The following CFAP74 variants were observed in gnomAD, a reference collection of about 807,000 sequenced individuals.
CFAP74 encodes cilia- and flagella-associated protein 74.
Under a neutral mutation model 188.9 loss-of-function variants are expected in CFAP74, and 124 were observed. The ratio of observed to expected loss-of-function variants is 0.66; its 90% CI spans 0.57 to 0.76. CFAP74 has a LOEUF of 0.76. CFAP74 is among the 30% of genes least tolerant of loss of function. The pLI, the probability that CFAP74 is intolerant of heterozygous loss-of-function variation, is 0.00. For missense variants in CFAP74, 2,198 were observed against 2,165.2 expected, an observed-to-expected ratio of 1.02 and a Z score of -0.30; for synonymous variants, 956 against 916.7, an observed-to-expected ratio of 1.04 and a Z score of -0.77.
chr1:2,000,090 T>G (rs6679335), intron 1 of CFAP74, among the ~76,000 whole-genome samples: 71,653 of 150,072 alleles, frequency 0.48, 17,253 homozygotes, highest in South Asian at 0.64. Context: ...CTTGAACTGG[T>G]GAGGTGGAGG....
Position 1,968,733 on chromosome 1 carries a change from T to TG in CFAP74, c.1146dup (p.Thr383HisfsTer19), listed in dbSNP as rs771497538. On this transcript the variant is annotated frameshift_variant, in exon 11 of 39. Transcript: ENST00000682832. LOFTEE classifies it high-confidence loss of function. The surrounding 1 kb of genome is among the most constrained non-coding windows in gnomAD (Gnocchi z 4.3). Reference sequence around the variant, plus strand: ...AGGGTCAGCCGGTGCCTGGCACTGGTGGGGGGATGCTGTTTCTTCCTCTTT... The same window carrying TG: ...AGGGTCAGCCGGTGCCTGGCACTGGTGGGGGGGATGCTGTTTCTTCCTCTTT... 1 of 1,613,868 alleles carries TG rather than the reference T, an allele frequency of 6.2e-7. No homozygotes were observed. The highest frequency in any genetic ancestry group is 1.3e-5 in the African/African-American group (1 of 74,878).
intron 1 of CFAP74, among the ~76,000 whole-genome samples, chr1:1,999,674 A>G (rs946252019): frequency 1.3e-4 from 20 of 151,556 alleles, no homozygotes; most frequent in Non-Finnish European, 2.8e-4. Context: ...AAAATTAGCC[A>G]GGCGCGGTGG....
chr1:1,927,126 A>T, intron 28 of CFAP74, 98 bp from the exon 29 acceptor site: 1 of 1,420,300 alleles, frequency 7.0e-7, no homozygotes, highest in Non-Finnish European at 9.5e-7. Context: ...CCAGGGTCCC[A>T]GGGTCCCAAG....
intron 14 of CFAP74, among the ~76,000 whole-genome samples, chr1:1,963,483 A>AAAG (rs1655240376): frequency 7.0e-6 from 1 of 143,776 alleles, no homozygotes; most frequent in African/African-American, 2.5e-5. Flanking sequence ...AAAAAAAAAA[A>AAAG]GGCAGCAAAA....
At chr1:1,946,096 C>T (rs565003295) in intron 20 of CFAP74, among the ~76,000 whole-genome samples, 18 of 152,208 alleles carry the variant, frequency 1.2e-4, no homozygotes, top group South Asian at 1.0e-3. Context: ...CATGGGCATG[C>T]GTGTATGTGC....
chr1:1,971,759 G>C (rs1656092161), intron 9 of CFAP74, among the ~76,000 whole-genome samples: 1 of 152,254 alleles, frequency 6.6e-6, no homozygotes, highest in African/African-American at 2.4e-5. Flanking sequence ...GAGCAGGGCT[G>C]GGGTGCCTGC....
chr1:1,960,303 A>G (rs1385385680), intron 14 of CFAP74, among the ~76,000 whole-genome samples: 2 of 152,282 alleles, frequency 1.3e-5, no homozygotes, highest in Non-Finnish European at 2.9e-5. Flanking sequence ...CCCCAGGCCA[A>G]CTGCCAGGAA....
rs555732030 is a variant in CFAP74 at position 1,999,894 on chromosome 1, G to A, written c.-20+3807C>T. Among the ~76,000 whole-genome samples, 195 of 150,982 alleles carry A rather than the reference G, an allele frequency of 1.3e-3. 1 individual carries two copies. Among genetic ancestry groups the A allele is most frequent in the Non-Finnish European group, 2.3e-3 (156 of 67,692 alleles). The stretch of plus-strand genomic sequence containing the variant: ...TAAAGAAAACCTACAGGCCGGGCGC[G>A]GTGGCTCACGCCTGTAATCCCAGCA... On this transcript the variant is annotated intron_variant, in intron 1 of 38. Transcript: ENST00000682832.
At chr1:1,980,790 T>C (rs1342596052) in intron 6 of CFAP74, among the ~76,000 whole-genome samples, 1 of 152,184 alleles carries the variant, frequency 6.6e-6, no homozygotes, top group African/African-American at 2.4e-5. Context: ...TCTCTCGGGC[T>C]GGCCTGAACA....
intron 22 of CFAP74, among the ~76,000 whole-genome samples, chr1:1,941,604 G>A (rs1443803148): frequency 6.6e-6 from 1 of 152,170 alleles, no homozygotes; most frequent in Non-Finnish European, 1.5e-5. Flanking sequence ...GGAAAGGGAT[G>A]AAGACAGGGA....
intron 9 of CFAP74, among the ~76,000 whole-genome samples, chr1:1,971,305 A>C (rs558439121): frequency 3.0e-4 from 43 of 145,654 alleles, no homozygotes; most frequent in African/African-American, 1.1e-3. Context: ...ACGCTCACAC[A>C]TGCACACCTG....
intron 18 of CFAP74, chr1:1,954,457 G>C (rs1654400900): frequency 6.5e-6 from 1 of 154,372 alleles, no homozygotes; most frequent in Admixed American, 6.5e-5. Flanking sequence ...TACACTGTTG[G>C]TGGGAGTGTA....
intron 5 of CFAP74, among the ~76,000 whole-genome samples, chr1:1,986,125 C>A (rs1426026852): frequency 6.6e-6 from 1 of 152,196 alleles, no homozygotes; most frequent in East Asian, 1.9e-4. Flanking sequence ...TGGCTCACGC[C>A]TGTAATTCCA....
rs1431737658 is a variant in CFAP74, at chr1:1,958,423, T to G, written c.1851+697A>C. 2.0e-5 allele frequency among the ~76,000 whole-genome samples: 3 copies of G among 152,326 alleles called. No individual in the cohort carries two copies. In the East Asian group the frequency reaches 5.8e-4, roughly 29 times the overall value. Reference sequence around the variant, plus strand: ...GCTCGTGCTGCCGTAGCTGCCACTCTGGAGTCCAGCCTGGACGGGGCTGGC... The same window carrying G: ...GCTCGTGCTGCCGTAGCTGCCACTCGGGAGTCCAGCCTGGACGGGGCTGGC... On this transcript the variant is annotated intron_variant, in intron 16 of 38. Transcript: ENST00000682832.
chr1:1,973,136 G>A lies in CFAP74; in HGVS notation c.675-89C>T. 1 of 920,976 alleles carries A rather than the reference G, an allele frequency of 1.1e-6. No individual in the cohort carries two copies. The highest frequency in any genetic ancestry group is 1.7e-6 in the Non-Finnish European group (1 of 592,614). The allele number at this position is 920,976 out of a possible 1,614,324, so 57.1% of individuals were successfully genotyped here. ...CTGCACGGCTGGAGCTCGTGTCCCAGAGACGCCGTGGGCCCTTTCGCTCAG... is the reference window on the plus strand; with the variant it reads ...CTGCACGGCTGGAGCTCGTGTCCCAAAGACGCCGTGGGCCCTTTCGCTCAG... On this transcript the variant is annotated intron_variant, in intron 7 of 38. Transcript: ENST00000682832. This position sits in a 1 kb window ranked among gnomAD's most constrained non-coding sequence, Gnocchi z 6.2.
At chr1:1,976,207 T>G (rs1376685025) in intron 6 of CFAP74, among the ~76,000 whole-genome samples, 1 of 152,186 alleles carries the variant, frequency 6.6e-6, no homozygotes, top group Non-Finnish European at 1.5e-5. Flanking sequence ...CAGGGCGGAT[T>G]TGGTTTGGAC....
At chr1:1,940,558 C>T (rs1273172062) in intron 22 of CFAP74, among the ~76,000 whole-genome samples, 155 bp from the exon 23 acceptor site, 1 of 152,220 alleles carries the variant, frequency 6.6e-6, no homozygotes, top group East Asian at 1.9e-4. Context: ...CTCCTGCTCT[C>T]GCACAGAACC....
At chr1:1,965,084 C>A (rs763723543) in intron 12 of CFAP74, 23 bp from the exon 13 acceptor site, 26 of 1,602,918 alleles carry the variant, frequency 1.6e-5, no homozygotes, top group Non-Finnish European at 2.1e-5. Flanking sequence ...GAGACAGAGG[C>A]TGGGGCTGTT....
chr1:1,946,691 G>A (rs369648441), intron 19 of CFAP74, among the ~76,000 whole-genome samples: 37 of 152,286 alleles, frequency 2.4e-4, no homozygotes, highest in Non-Finnish European at 3.8e-4. Context: ...GCTCATGGCC[G>A]TGTCCCAGCC....
Sources: allele counts gnomAD v4.1 joint callset (sites outside exome capture counted in the v4.1 genomes callset), GRCh38; gene constraint gnomAD v4.1.1; non-coding constraint Gnocchi (gnomAD v3.1); transcripts MANE v1.5; gene names NCBI Gene and HGNC (gene_info 2026-07-23, HGNC 2026-07-21).